SH3BGRL2: variants seen among roughly 807,000 people sequenced by gnomAD.
SH3BGRL2 encodes SH3 domain-binding glutamic acid-rich-like protein 2.
A neutral mutation model predicts 14.8 loss-of-function variants in SH3BGRL2; 21 were observed. That is an observed-to-expected ratio of 1.42 (90% confidence interval 1.01 to 2.05). The LOEUF is 2.05. Ranked by LOEUF, SH3BGRL2 falls within the 30% of genes most tolerant of loss-of-function variation. The pLI is 0.00. For synonymous variants in SH3BGRL2, 50 were observed against 47.8 expected (o/e 1.05, Z -0.19); for missense variants, 147 against 130.8 (o/e 1.12, Z -0.61).
intron 1 of SH3BGRL2, among the ~76,000 whole-genome samples, chr6:79,666,959 G>C (rs970980045): frequency 6.6e-6 from 1 of 152,214 alleles, no homozygotes; most frequent in Admixed American, 6.5e-5. Context: ...AGAAAAGCTA[G>C]TATGTTTGAG....
At chr6:79,546,035 A>G in the SH3BGRL2 span, among the ~76,000 whole-genome samples, 10 of 152,188 alleles carry the variant, frequency 6.6e-5, no homozygotes, top group Non-Finnish European at 1.2e-4. Context: ...TCAATAGTAC[A>G]AGTGAAACAA....
At chr6:79,548,433 T>C in the SH3BGRL2 span, among the ~76,000 whole-genome samples, 1 of 152,230 alleles carries the variant, frequency 6.6e-6, no homozygotes, top group Non-Finnish European at 1.5e-5. Context: ...ACTTAGTTTT[T>C]CAGTAGAAAA....
At chr6:79,571,469 C>T in the SH3BGRL2 span, among the ~76,000 whole-genome samples, 1 of 152,166 alleles carries the variant, frequency 6.6e-6, no homozygotes, top group African/African-American at 2.4e-5. Context: ...CCTAGACAGA[C>T]TTACTAGGTT....
the SH3BGRL2 span, among the ~76,000 whole-genome samples, chr6:79,548,964 C>T: frequency 2.0e-5 from 3 of 152,062 alleles, no homozygotes; most frequent in African/African-American, 7.2e-5. Context: ...ATTAATTAAT[C>T]CAATGAATAA....
chr6:79,654,532 T>C (rs1307755799), intron 1 of SH3BGRL2, among the ~76,000 whole-genome samples: 1 of 152,228 alleles, frequency 6.6e-6, no homozygotes, highest in Non-Finnish European at 1.5e-5. Flanking sequence ...TTGAAATGCT[T>C]TTGTTGTTCC....
intron 1 of SH3BGRL2, among the ~76,000 whole-genome samples, chr6:79,660,111 C>G (rs1040509622): frequency 7.9e-5 from 12 of 152,160 alleles, no homozygotes; most frequent in Admixed American, 5.2e-4. Flanking sequence ...TTCCTCTTTT[C>G]CTAATTGAAT....
At chr6:79,663,513 TA>T (rs1260263249) in intron 1 of SH3BGRL2, among the ~76,000 whole-genome samples, 4 of 152,180 alleles carry the variant, frequency 2.6e-5, no homozygotes, top group Non-Finnish European at 5.9e-5. Context: ...CAGCAAATGT[TA>T]CTCCCTGATC....
chr6:79,549,335 A>T, the SH3BGRL2 span, among the ~76,000 whole-genome samples: 1 of 152,240 alleles, frequency 6.6e-6, no homozygotes, highest in Non-Finnish European at 1.5e-5. Context: ...CCAAGTTCAG[A>T]GGCAACATTT....
At chr6:79,552,661 TGA>T in the SH3BGRL2 span, 1 of 152,176 alleles carries the variant, frequency 6.6e-6, no homozygotes, top group Non-Finnish European at 1.5e-5. Context: ...ATTCAGTCAG[TGA>T]GGGGGCTTAG....
chr6:79,690,045 T>G (rs76007777), intron 2 of SH3BGRL2, among the ~76,000 whole-genome samples: 3,235 of 152,034 alleles, frequency 0.021, 100 homozygotes, highest in African/African-American at 0.074. Flanking sequence ...TGTAGTGCAC[T>G]GGTGTAGTCA....
chr6:79,600,028 G>A, the SH3BGRL2 span, among the ~76,000 whole-genome samples: 1 of 152,100 alleles, frequency 6.6e-6, no homozygotes, highest in East Asian at 1.9e-4. Flanking sequence ...TGGCCCTCCT[G>A]AGCAAATAAC....
chr6:79,582,573 G>A, the SH3BGRL2 span, among the ~76,000 whole-genome samples: 1 of 152,130 alleles, frequency 6.6e-6, no homozygotes, highest in Middle Eastern at 3.2e-3. Context: ...TGGAAAAACT[G>A]ACTAGCCATA....
chr6:79,693,677 T>A (rs1042794989), intron 2 of SH3BGRL2, among the ~76,000 whole-genome samples: 3 of 152,236 alleles, frequency 2.0e-5, no homozygotes, highest in Middle Eastern at 3.2e-3. Flanking sequence ...TTTGCATATA[T>A]TGAACCAGCC....
intron 3 of SH3BGRL2, 99 bp downstream of exon 3, chr6:79,696,664 TC>T: frequency 1.2e-6 from 1 of 856,198 alleles, no homozygotes; most frequent in Non-Finnish European, 1.7e-6. Context: ...ATATATAATT[TC>T]TTAGATTTGG....
the SH3BGRL2 span, among the ~76,000 whole-genome samples, chr6:79,559,714 A>C: frequency 6.6e-6 from 1 of 152,246 alleles, no homozygotes; most frequent in Admixed American, 6.5e-5. Context: ...ATCATGCTCT[A>C]GTTACGTAAG....
chr6:79,693,291 T>A (rs1770263876), intron 2 of SH3BGRL2, among the ~76,000 whole-genome samples: 1 of 151,962 alleles, frequency 6.6e-6, no homozygotes, highest in Non-Finnish European at 1.5e-5. Context: ...TATACAATCA[T>A]GTCATCTGCA....
chr6:79,690,066 C>T (rs1363835594), intron 2 of SH3BGRL2, among the ~76,000 whole-genome samples: 1 of 152,200 alleles, frequency 6.6e-6, no homozygotes, highest in Non-Finnish European at 1.5e-5. Context: ...TTGCTCACTG[C>T]ATGTAGCCTT....
rs1255008835 is a variant in SH3BGRL2 at position 79,673,786 on chromosome 6, A to G, written c.218A>G (p.Asp73Gly). Residue 73 changes from aspartate (D) to glycine (G), a missense_variant, in exon 2 of 4, where the codon GAC becomes GGC. By Grantham distance (94) the Asp-to-Gly change is moderately conservative. Transcript: ENST00000369838. The part of the protein sequence containing the change: ...NPLPPQIFNG[D>G]RYCGDYDSFF... ...CTGCCACCTCAGATATTTAATGGCG[A>G]CCGATACTGTGGAGTAAGTGGCTAG... is the stretch of plus-strand genomic sequence containing the variant. The G allele has an allele frequency of 6.2e-7, 1 of 1,613,790 alleles. No homozygotes were observed. The highest frequency in any genetic ancestry group is 8.5e-7 in the Non-Finnish European group (1 of 1,179,870).
the SH3BGRL2 span, among the ~76,000 whole-genome samples, chr6:79,604,818 C>T: frequency 1.3e-5 from 2 of 152,170 alleles, no homozygotes; most frequent in African/African-American, 4.8e-5. Context: ...ACTGAGATGA[C>T]TAGACCCTGG....
Sources: allele counts gnomAD v4.1 joint callset (sites outside exome capture counted in the v4.1 genomes callset), GRCh38; gene constraint gnomAD v4.1.1; transcripts MANE v1.5; gene names NCBI Gene and HGNC (gene_info 2026-07-23, HGNC 2026-07-21).